Variants in GPC1 observed in about 807,000 individuals in gnomAD.
GPC1 encodes glypican-1.
In GPC1, 26 loss-of-function variants were observed where a neutral mutation model predicts 51.5. That is an observed-to-expected ratio of 0.50 (90% CI 0.37 to 0.70). The LOEUF is 0.70. GPC1 is among the 30% of genes least tolerant of loss of function. GPC1 has a pLI of 0.00. For missense variants in GPC1, 775 were observed against 800.5 expected (o/e 0.97, Z 0.38); for synonymous variants, 380 against 348.3 (o/e 1.09, Z -1.01).
intron 1 of GPC1, among the ~76,000 whole-genome samples, chr2:240,453,913 G>C (rs1268885772): frequency 6.6e-6 from 1 of 152,174 alleles, no homozygotes; most frequent in Non-Finnish European, 1.5e-5. Flanking sequence ...GCGGGTGACA[G>C]GAGCCTTAGC....
intron 1 of GPC1, among the ~76,000 whole-genome samples, chr2:240,443,432 C>G (rs1359192343): frequency 2.0e-5 from 3 of 152,200 alleles, no homozygotes; most frequent in Non-Finnish European, 2.9e-5. Context: ...GCCCGCTGCT[C>G]TCTTGTGCTG....
At position 240,448,653 on chromosome 2, in the gene GPC1, C is replaced by T. The variant is rs891620871; in HGVS notation, c.167-10377C>T. Among the ~76,000 whole-genome samples, 2 of 152,002 alleles carry T rather than the reference C, an allele frequency of 1.3e-5. No homozygotes were observed. Among genetic ancestry groups the T allele is most frequent in the African/African-American group, 2.4e-5 (1 of 41,366 alleles). On this transcript the variant is annotated intron_variant, in intron 1 of 8. Transcript: ENST00000264039. This position sits in a 1 kb window ranked among gnomAD's most constrained non-coding sequence, Gnocchi z 4.5. The stretch of plus-strand genomic sequence containing the variant: ...GCTCACCTTTGGGGAGGCGATCAGG[C>T]AGGCACATGACAGGACCACCTGCTC...
rs369821544 is a variant in GPC1 at position 240,464,740 on chromosome 2, G to A, written c.1008G>A (p.Thr336=). Residue 336 remains threonine, a synonymous_variant, in exon 5 of 9, where the codon ACG becomes ACA. Transcript: ENST00000264039. ...NALQDNRDTL[T]AKVIQGCGNP... ...TCCAGGACAACAGGGACACGCTCAC[G>A]GCCAAGGTGCGGGCAGGAGGACGTG... 1.6e-5 allele frequency: 26 copies of A among 1,607,894 alleles called. No homozygotes were observed. The highest frequency in any genetic ancestry group is 1.6e-4 in the Middle Eastern group (1 of 6,078).
rs2151790081 is a variant in GPC1 at position 240,451,541 on chromosome 2, C to T, written c.167-7489C>T. 1.0e-4 allele frequency: 29 copies of T among 281,534 alleles called. 1 individual carries two copies. The highest frequency in any genetic ancestry group is 8.7e-4 in the South Asian group (29 of 33,294). 17.4% of individuals were successfully genotyped at this position (281,534 alleles called of 1,614,324 possible). On this transcript the variant is annotated intron_variant, in intron 1 of 8. Coordinates refer to ENST00000264039, the MANE Select transcript of GPC1 (RefSeq NM_002081.3). ...GAGTGCCCTCTTCAGCTCCACCAAG[C>T]CAAGGAGGAGAAAGGCTGAGCCAGG...
chr2:240,435,987 G>A lies in GPC1; in HGVS notation c.69G>A (p.Gly23=). ...CAGCGCTGGTCGCCTGCGCCCGCGG[G>A]GACCCGGCCAGCAAGAGCCGGAGCT... ...AAAALVACAR[G]DPASKSRSCG... is the part of the protein sequence containing the mutation. Residue 23 remains glycine, a synonymous_variant, in exon 1 of 9, where the codon GGG becomes GGA. Coordinates refer to ENST00000264039, the MANE Select transcript of GPC1 (RefSeq NM_002081.3). The A allele has an allele frequency of 7.3e-7, 1 of 1,373,634 alleles. No individual in the cohort carries two copies. Among genetic ancestry groups the A allele is most frequent in the Non-Finnish European group, 9.4e-7 (1 of 1,060,384 alleles). 85.1% of individuals were successfully genotyped at this position (1,373,634 alleles called of 1,614,324 possible). A position where few individuals can be genotyped will look rare whatever the true frequency, so the allele number is the denominator to read the frequency against.
intron 1 of GPC1, chr2:240,442,273 G>A (rs2074022488): frequency 6.7e-6 from 1 of 149,028 alleles, no homozygotes; most frequent in African/African-American, 2.6e-5. Context: ...GGGTGGGGAA[G>A]GCCCCGAGTC....
At chr2:240,462,094 C>A in intron 2 of GPC1, 97 bp from the exon 3 acceptor site, 1 of 1,219,202 alleles carries the variant, frequency 8.2e-7, no homozygotes, top group Non-Finnish European at 1.1e-6. Flanking sequence ...CAGAGTGTAT[C>A]CTCAGAGCTG....
At position 240,463,216 on chromosome 2, in the gene GPC1, G is replaced by C. The variant is rs993755358; in HGVS notation, c.718-131G>C. ...CTGCGAGTCAGGCAGCGACCACCAC[G>C]AGCTGGGGCAGAGCAGAGGCCTCCC... is the stretch of plus-strand genomic sequence containing the variant. On this transcript the variant is annotated intron_variant, in intron 3 of 8. Coordinates refer to ENST00000264039, the MANE Select transcript of GPC1 (RefSeq NM_002081.3). 7.0e-6 allele frequency: 5 copies of C among 714,870 alleles called. No homozygotes were observed. In the African/African-American group the frequency reaches 8.9e-5, roughly 13 times the overall value. The allele number at this position is 714,870 out of a possible 1,614,324, so 44.3% of individuals were successfully genotyped here. A position where few individuals can be genotyped will look rare whatever the true frequency, so the allele number is the denominator to read the frequency against.
rs143828519 is a variant in GPC1 at position 240,466,144 on chromosome 2, C to T, written c.1531C>T (p.Arg511Trp). The T allele has an allele frequency of 4.4e-5, 71 of 1,612,766 alleles. No homozygotes were observed. Among genetic ancestry groups the T allele is most frequent in the Middle Eastern group, 1.6e-4 (1 of 6,084 alleles). Residue 511 changes from arginine to tryptophan, a missense_variant, in exon 9 of 9, where the codon CGG (arginine) becomes TGG (tryptophan). By Grantham distance (101) the Arg-to-Trp change is moderately radical. Transcript: ENST00000264039. ...RKVSRKSSSS[R>W]TPLTHALPGL... ...GGTCAGCAGGAAGAGCTCCAGCTCC[C>T]GGACGCCCTTGACCCATGCCCTCCC...
intron 1 of GPC1, among the ~76,000 whole-genome samples, chr2:240,437,260 G>A (rs913522616): frequency 1.3e-5 from 2 of 152,296 alleles, no homozygotes; most frequent in African/African-American, 4.8e-5. Flanking sequence ...CGCGGGGGGC[G>A]GAGTGGTGGG....
At chr2:240,465,989 C>A in intron 8 of GPC1, 69 bp from the exon 9 acceptor site, 1 of 956,882 alleles carries the variant, frequency 1.0e-6, no homozygotes, top group Non-Finnish European at 1.6e-6. Context: ...GGCACGGGCC[C>A]TTACAGGGTG....
In GPC1 at chr2:240,451,495, C is replaced by T. The variant is rs2074099599; in HGVS notation, c.167-7535C>T. 8.9e-6 allele frequency: 3 copies of T among 336,406 alleles called. No individual in the cohort carries two copies. The Admixed American group carries it at 1.3e-4, about 14-fold the overall frequency. The allele number at this position is 336,406 out of a possible 1,614,324, so 20.8% of individuals were successfully genotyped here. A position where few individuals can be genotyped will look rare whatever the true frequency, so the allele number is the denominator to read the frequency against. On this transcript the variant is annotated intron_variant, in intron 1 of 8. Coordinates refer to ENST00000264039, the MANE Select transcript of GPC1 (RefSeq NM_002081.3). ...CCTGCCTGAATTTCCACCCTGCTGG[C>T]AGGGTTGGGCATAGAGATGTGAGTG...
intron 1 of GPC1, among the ~76,000 whole-genome samples, chr2:240,437,979 C>T (rs999591166): frequency 5.3e-5 from 8 of 152,154 alleles, no homozygotes; most frequent in Non-Finnish European, 7.4e-5. Flanking sequence ...GAGTGTGGGT[C>T]GTGCTGCTCT....
At chr2:240,442,767 A>C (rs1363311670) in intron 1 of GPC1, among the ~76,000 whole-genome samples, 2 of 152,070 alleles carry the variant, frequency 1.3e-5, no homozygotes, top group African/African-American at 2.4e-5. Flanking sequence ...ACATCTTCCC[A>C]TCAGGTGGCA....
chr2:240,447,413 A>G (rs1195924988), intron 1 of GPC1, among the ~76,000 whole-genome samples: 3 of 152,212 alleles, frequency 2.0e-5, no homozygotes, highest in African/African-American at 2.4e-5. Flanking sequence ...AGGGTGTGGC[A>G]GGGCTGCTCT....
At chr2:240,446,614 C>T (rs1429543329) in intron 1 of GPC1, among the ~76,000 whole-genome samples, 1 of 152,210 alleles carries the variant, frequency 6.6e-6, no homozygotes, top group Non-Finnish European at 1.5e-5. Flanking sequence ...TGCAGTTTGG[C>T]CCCTCTCTTG....
intron 1 of GPC1, among the ~76,000 whole-genome samples, chr2:240,437,023 C>T (rs2073988551): frequency 1.3e-5 from 2 of 152,236 alleles, no homozygotes; most frequent in South Asian, 2.1e-4. Flanking sequence ...CACCTTTCCA[C>T]GTGTGGGAAC....
chr2:240,451,229 TCTGC>T (rs1446382394), intron 1 of GPC1: 1 of 471,098 alleles, frequency 2.1e-6, no homozygotes, highest in Non-Finnish European at 4.4e-6. Flanking sequence ...TATGTGTGTC[TCTGC>T]CTGGTTGGCA....
chr2:240,451,055 C>G (rs893569767), intron 1 of GPC1: 4 of 459,772 alleles, frequency 8.7e-6, no homozygotes, highest in South Asian at 6.4e-5. Context: ...ACCATGACCA[C>G]AGAGATGGCT....
Sources: gnomAD v4.1 joint callset for allele counts (sites outside exome capture counted in the v4.1 genomes callset) on GRCh38, gnomAD v4.1.1 for gene constraint, Gnocchi (gnomAD v3.1) non-coding constraint, MANE v1.5 for transcripts, NCBI Gene and HGNC (gene_info 2026-07-23, HGNC 2026-07-21) for gene names.